Variants in PRLR observed in about 807,000 individuals in gnomAD.
PRLR encodes the protein hPRL receptor.
A neutral mutation model predicts 40.2 loss-of-function variants in PRLR; 13 were observed. The ratio of observed to expected loss-of-function variants is 0.32; its 90% CI spans 0.21 to 0.51. The LOEUF (loss-of-function observed/expected upper bound fraction) is 0.51, where lower values mean the gene tolerates loss of function less well. Ranked by LOEUF, PRLR falls within the 20% of genes least tolerant of loss-of-function variation. The probability of loss-of-function intolerance (pLI) is 0.97; values close to 1 mark genes in which losing one functional copy is unlikely to be tolerated. For synonymous variants in PRLR, 269 were observed against 278.7 expected (o/e 0.97, Z 0.35); for missense variants, 656 against 747.3 (o/e 0.88, Z 1.42).
At chr5:35,190,244 C>T (rs906578375) in intron 1 of PRLR, among the ~76,000 whole-genome samples, 1 of 152,132 alleles carries the variant, frequency 6.6e-6, no homozygotes, top group African/African-American at 2.4e-5. Flanking sequence ...AAGTTCTTCC[C>T]CAATGCCCCA....
chr5:35,102,951 C>A (rs763943488), intron 2 of PRLR, among the ~76,000 whole-genome samples: 22 of 152,160 alleles, frequency 1.4e-4, no homozygotes, highest in Non-Finnish European at 2.4e-4. Context: ...CTTCTAGCCC[C>A]TTCCACTCTA....
At chr5:35,126,016 A>C (rs1447278225) in intron 1 of PRLR, among the ~76,000 whole-genome samples, 1 of 152,094 alleles carries the variant, frequency 6.6e-6, no homozygotes, top group East Asian at 1.9e-4. Flanking sequence ...TTTTCAATCT[A>C]GTTGTCTGTT....
chr5:35,195,362 C>T (rs993901264), intron 1 of PRLR: 1 of 152,294 alleles, frequency 6.6e-6, no homozygotes, highest in Non-Finnish European at 1.5e-5. Flanking sequence ...CGGTGTTGGC[C>T]TTTTAAGTTA....
chr5:35,139,509 G>T (rs2111815451), intron 1 of PRLR, among the ~76,000 whole-genome samples: 1 of 152,276 alleles, frequency 6.6e-6, no homozygotes, highest in Middle Eastern at 3.4e-3. Flanking sequence ...AATTGAAGAT[G>T]TGTGGTAGAA....
At chr5:35,229,343 A>G (rs1165197968) in intron 1 of PRLR, among the ~76,000 whole-genome samples, 2 of 151,952 alleles carry the variant, frequency 1.3e-5, no homozygotes, top group East Asian at 3.9e-4. Context: ...GACTAATAAT[A>G]ATGTTTTGCA....
intron 6 of PRLR, among the ~76,000 whole-genome samples, chr5:35,072,344 C>T (rs1049307756): frequency 6.6e-6 from 1 of 152,154 alleles, no homozygotes; most frequent in Non-Finnish European, 1.5e-5. Flanking sequence ...GGTTGGAAAC[C>T]TGGTCAAGTG....
intron 6 of PRLR, 128 bp downstream of exon 6, chr5:35,072,447 T>C (rs969113093): frequency 4.5e-5 from 47 of 1,034,106 alleles, no homozygotes; most frequent in African/African-American, 8.1e-5. Context: ...CACATCTGGG[T>C]GGGTCACAAC....
chr5:35,125,933 C>T (rs943172943), intron 1 of PRLR, among the ~76,000 whole-genome samples: 1 of 152,190 alleles, frequency 6.6e-6, no homozygotes, highest in African/African-American at 2.4e-5. Flanking sequence ...TTCTCCCTCA[C>T]TCTTGGGCAA....
intron 1 of PRLR, among the ~76,000 whole-genome samples, chr5:35,218,184 T>C (rs1776331167): frequency 6.6e-6 from 1 of 152,172 alleles, no homozygotes; most frequent in Non-Finnish European, 1.5e-5. Flanking sequence ...TGGATTTCTG[T>C]TTTCTTTGCA....
chr5:35,204,751 A>G (rs1775971852), intron 1 of PRLR, among the ~76,000 whole-genome samples: 1 of 152,174 alleles, frequency 6.6e-6, no homozygotes, highest in Admixed American at 6.5e-5. Flanking sequence ...AAGACCTTAA[A>G]TTACCCACTG....
At chr5:35,181,941 T>C (rs553687193) in intron 1 of PRLR, among the ~76,000 whole-genome samples, 2 of 152,308 alleles carry the variant, frequency 1.3e-5, no homozygotes, top group South Asian at 2.1e-4. Context: ...TCACACATGA[T>C]TGAGTGTGTA....
intron 1 of PRLR, among the ~76,000 whole-genome samples, chr5:35,127,167 G>A (rs1308009609): frequency 6.6e-6 from 1 of 152,162 alleles, no homozygotes; most frequent in East Asian, 1.9e-4. Flanking sequence ...CCAACAGACA[G>A]GACCACGTGG....
intron 1 of PRLR, among the ~76,000 whole-genome samples, chr5:35,157,374 C>T (rs1199630785): frequency 6.6e-6 from 1 of 152,140 alleles, no homozygotes; most frequent in Non-Finnish European, 1.5e-5. Context: ...CAGGATACTT[C>T]AAGGGGGCTG....
At chr5:35,128,455 AG>A (rs1342726691) in intron 1 of PRLR, among the ~76,000 whole-genome samples, 3 of 151,900 alleles carry the variant, frequency 2.0e-5, no homozygotes, top group African/African-American at 7.2e-5. Context: ...CTATGTAAAT[AG>A]CAAGTGAATA....
At chr5:35,206,428 AT>A (rs1320212315) in intron 1 of PRLR, among the ~76,000 whole-genome samples, 2 of 152,268 alleles carry the variant, frequency 1.3e-5, no homozygotes, top group East Asian at 3.8e-4. Context: ...ATTGTAAAGG[AT>A]TATGTTGCTG....
downstream of PRLR, among the ~76,000 whole-genome samples, chr5:35,050,795 T>C (rs900556068): frequency 6.6e-6 from 1 of 152,214 alleles, no homozygotes; most frequent in East Asian, 1.9e-4. Flanking sequence ...CTCTCTTAAC[T>C]AATTTAGGAG....
At chr5:35,118,304 GAA>G (rs749601720) in intron 1 of PRLR, among the ~76,000 whole-genome samples, 182 bp from the exon 2 acceptor site, 5 of 144,906 alleles carry the variant, frequency 3.5e-5, no homozygotes, top group Non-Finnish European at 6.0e-5. Flanking sequence ...TAATCTTACA[GAA>G]AAGTTATAAA....
chr5:35,124,970 GT>G (rs1391977101), intron 1 of PRLR, among the ~76,000 whole-genome samples: 26 of 152,282 alleles, frequency 1.7e-4, no homozygotes, highest in African/African-American at 6.3e-4. Context: ...AAAGTTAGAA[GT>G]TTTATTATTG....
chr5:35,197,218 G>C (rs941416731), intron 1 of PRLR, among the ~76,000 whole-genome samples: 1 of 152,166 alleles, frequency 6.6e-6, no homozygotes, highest in East Asian at 1.9e-4. Context: ...GGAATCAAAA[G>C]TCACAAGTGG....
Sources: gnomAD v4.1 joint callset for allele counts (sites outside exome capture counted in the v4.1 genomes callset) on GRCh38, gnomAD v4.1.1 for gene constraint, MANE v1.5 for transcripts, NCBI Gene and HGNC (gene_info 2026-07-23, HGNC 2026-07-21) for gene names.